BNC2: variants seen among roughly 807,000 people sequenced by gnomAD.
The protein encoded by BNC2 is basonuclin zinc finger protein 2.
In BNC2, 20 loss-of-function variants were observed where a neutral mutation model predicts 76.3. The ratio of observed to expected loss-of-function variants is 0.26; its 90% confidence interval spans 0.18 to 0.38. The LOEUF is 0.38. Among genes scored for constraint, BNC2 ranks in the 10% least tolerant of loss-of-function variants. The pLI is 1.00. For missense variants in BNC2, 1,382 were observed against 1,399.8 expected, an observed-to-expected ratio of 0.99 and a Z score of 0.20; for synonymous variants, 582 against 514.8, an observed-to-expected ratio of 1.13 and a Z score of -1.77.
intron 4 of BNC2, among the ~76,000 whole-genome samples, chr9:16,574,017 T>C (rs7850123): frequency 0.19 from 29,106 of 152,022 alleles, 5,403 homozygotes; most frequent in African/African-American, 0.48. Context: ...ATTTATGACA[T>C]AATAGAGAAG....
chr9:16,674,369 C>G (rs1229564926), intron 3 of BNC2, among the ~76,000 whole-genome samples: 1 of 152,010 alleles, frequency 6.6e-6, no homozygotes, highest in Non-Finnish European at 1.5e-5. Context: ...GAATCCAGAC[C>G]CACTTACAAT....
Position 16,797,602 on chromosome 9 carries a change from A to G in BNC2, c.4-59117T>C, listed in dbSNP as rs141374863. On this transcript the variant is annotated intron_variant, in intron 1 of 6. Coordinates refer to ENST00000380672, the MANE Select transcript of BNC2 (RefSeq NM_017637.6). ...CTGGAGGCTAGGTATGCATCTAGTA[A>G]GAGTGTCACACAAGTCCAAAAGCTA... Among the ~76,000 whole-genome samples the G allele has an allele frequency of 1.2e-4, 18 of 152,340 alleles. No homozygotes were observed. In the East Asian group the frequency reaches 3.3e-3, roughly 28 times the overall value.
At chr9:16,868,309 A>G (rs1239016133) in intron 1 of BNC2, 1 of 152,126 alleles carries the variant, frequency 6.6e-6, no homozygotes, top group Non-Finnish European at 1.5e-5. Context: ...GAACTCAAGA[A>G]CTCTCACTTG....
intron 3 of BNC2, among the ~76,000 whole-genome samples, chr9:16,688,435 GATA>G (rs2134382150): frequency 6.6e-6 from 1 of 152,140 alleles, no homozygotes; most frequent in South Asian, 2.1e-4. Context: ...TGTAAATTAG[GATA>G]ATAAAATATG....
In BNC2 at chr9:16,498,330, G is replaced by A. The variant is rs540615467; in HGVS notation, c.669+54200C>T. On this transcript the variant is annotated intron_variant, in intron 5 of 6. Coordinates refer to ENST00000380672, the MANE Select transcript of BNC2 (RefSeq NM_017637.6). ...ATATGAATATATGATGGAACACTAC[G>A]CAGCCATAAAAAGGAATGAATTAAC... is the stretch of plus-strand genomic sequence containing the variant. 5.2e-4 allele frequency among the ~76,000 whole-genome samples: 76 copies of A among 146,198 alleles called. 1 individual carries two copies. Among genetic ancestry groups the A allele is most frequent in the African/African-American group, 1.8e-3 (69 of 39,152 alleles).
At chr9:16,447,604 G>C (rs965428739) in intron 5 of BNC2, among the ~76,000 whole-genome samples, 8 of 152,136 alleles carry the variant, frequency 5.3e-5, no homozygotes, top group African/African-American at 1.7e-4. Context: ...CTGCTTGTCA[G>C]TGATGTGATT....
intron 1 of BNC2, among the ~76,000 whole-genome samples, chr9:16,751,212 A>C (rs1294437333): frequency 1.3e-5 from 2 of 152,096 alleles, no homozygotes; most frequent in African/African-American, 4.8e-5. Flanking sequence ...AAAAACTACA[A>C]AACTGTGAAA....
chr9:16,784,129 C>T (rs6475081), intron 1 of BNC2, among the ~76,000 whole-genome samples: 136,880 of 152,172 alleles, frequency 0.9, 61,617 homozygotes, highest in East Asian at 0.99. Context: ...TGACTATCTT[C>T]TTAGTCAAAA....
At chr9:16,606,215 A>G (rs1820379193) in intron 3 of BNC2, among the ~76,000 whole-genome samples, 1 of 152,244 alleles carries the variant, frequency 6.6e-6, no homozygotes, top group African/African-American at 2.4e-5. Context: ...AAACATGTAT[A>G]AAAGACAAAA....
chr9:16,792,708 T>C (rs1817547256), intron 1 of BNC2, among the ~76,000 whole-genome samples: 1 of 152,240 alleles, frequency 6.6e-6, no homozygotes, highest in Non-Finnish European at 1.5e-5. Flanking sequence ...AAAGAATTCG[T>C]ATTTATCATA....
intron 3 of BNC2, among the ~76,000 whole-genome samples, chr9:16,665,684 T>A (rs1822270797): frequency 6.6e-6 from 1 of 152,190 alleles, no homozygotes; most frequent in East Asian, 1.9e-4. Flanking sequence ...ATAATGCAAG[T>A]TAATTTTCTA....
chr9:16,625,255 C>T (rs185031059), intron 3 of BNC2, among the ~76,000 whole-genome samples: 9 of 152,216 alleles, frequency 5.9e-5, no homozygotes, highest in African/African-American at 1.7e-4. Flanking sequence ...AAACCAGACC[C>T]GATCGGGAAA....
intron 3 of BNC2, among the ~76,000 whole-genome samples, chr9:16,659,377 A>G (rs1403139362): frequency 6.6e-6 from 1 of 152,050 alleles, no homozygotes; most frequent in Non-Finnish European, 1.5e-5. Context: ...TGGGGGGCCG[A>G]GGTGGGCAGA....
chr9:16,503,989 T>G (rs563530698), intron 5 of BNC2, among the ~76,000 whole-genome samples: 16 of 152,230 alleles, frequency 1.1e-4, no homozygotes, highest in Admixed American at 7.2e-4. Context: ...ATACTTATTC[T>G]AGTCAAGAAA....
chr9:16,613,655 G>A (rs1026057847), intron 3 of BNC2, among the ~76,000 whole-genome samples: 4 of 152,152 alleles, frequency 2.6e-5, no homozygotes, highest in African/African-American at 9.7e-5. Flanking sequence ...TAAATGTAAG[G>A]AGGAGCCTCT....
intron 1 of BNC2, among the ~76,000 whole-genome samples, chr9:16,833,478 T>C (rs1384563642): frequency 6.6e-6 from 1 of 152,172 alleles, no homozygotes; most frequent in Non-Finnish European, 1.5e-5. Flanking sequence ...TCGAGGTCAT[T>C]AGCCTCAGAG....
intron 1 of BNC2, among the ~76,000 whole-genome samples, chr9:16,826,619 G>C (rs931988087): frequency 1.3e-5 from 2 of 152,058 alleles, no homozygotes; most frequent in South Asian, 4.2e-4. Context: ...TTTTACTTTT[G>C]GCAGAAAAAT....
intron 3 of BNC2, among the ~76,000 whole-genome samples, chr9:16,595,836 T>C (rs1300913548): frequency 6.6e-6 from 1 of 152,084 alleles, no homozygotes; most frequent in Middle Eastern, 3.2e-3. Flanking sequence ...TATGTAATGG[T>C]TGTCAGGAAC....
chr9:16,649,137 T>C (rs1821722828), intron 3 of BNC2, among the ~76,000 whole-genome samples: 1 of 151,654 alleles, frequency 6.6e-6, no homozygotes, highest in African/African-American at 2.4e-5. Flanking sequence ...GCACATCAAG[T>C]GAAAGAGAAT....
Sources: gnomAD v4.1 joint callset for allele counts (sites outside exome capture counted in the v4.1 genomes callset) on GRCh38, gnomAD v4.1.1 for gene constraint, MANE v1.5 for transcripts, NCBI Gene and HGNC (gene_info 2026-07-23, HGNC 2026-07-21) for gene names.